HYDIN: variants seen among roughly 807,000 people sequenced by gnomAD.
HYDIN encodes the protein HYDIN axonemal central pair apparatus protein, also known as axonemal central pair apparatus protein HYDIN.
In HYDIN, 132 loss-of-function variants were observed where a neutral mutation model predicts 403.9. That is an observed-to-expected ratio of 0.33 (90% CI 0.28 to 0.38). HYDIN has a LOEUF of 0.38. Among genes scored for constraint, HYDIN ranks in the 10% least tolerant of loss-of-function variants. HYDIN has a pLI of 1.00. For synonymous variants in HYDIN, 1,202 were observed against 1,891.7 expected (o/e 0.64, Z 9.46); for missense variants, 2,827 against 5,009.5 (o/e 0.56, Z 13.15).
intron 30 of HYDIN, among the ~76,000 whole-genome samples, chr16:70,978,326 T>C (rs570963125): frequency 1.3e-5 from 2 of 148,988 alleles, no homozygotes; most frequent in Admixed American, 6.7e-5. Flanking sequence ...GTCATCACCA[T>C]TGCTTACAGC....
chr16:70,807,290 G>A lies in HYDIN; in HGVS notation c.*290C>T, dbSNP rs2035148979. The A allele has an allele frequency of 2.9e-6, 1 of 345,052 alleles. No homozygotes were observed. 21.4% of individuals were successfully genotyped at this position (345,052 alleles called of 1,614,324 possible). A position where few individuals can be genotyped will look rare whatever the true frequency, so the allele number is the denominator to read the frequency against. On this transcript the variant is annotated 3_prime_UTR_variant, in exon 86 of 86. Coordinates refer to ENST00000393567, the MANE Select transcript of HYDIN (RefSeq NM_001270974.2). The stretch of plus-strand genomic sequence containing the variant: ...ACCTGTGCCTTCTTGATAAAAATGG[G>A]AATTATTACAAAGTACTTGAGCTTT...
intron 1 of HYDIN, among the ~76,000 whole-genome samples, chr16:71,189,975 C>T (rs541009678): frequency 2.0e-4 from 30 of 151,886 alleles, no homozygotes; most frequent in East Asian, 9.7e-4. Flanking sequence ...AAAGTATAAA[C>T]GAAGAAAAGT....
intron 66 of HYDIN, among the ~76,000 whole-genome samples, chr16:70,866,567 A>G (rs1467645965): frequency 6.6e-6 from 1 of 152,188 alleles, no homozygotes; most frequent in African/African-American, 2.4e-5. Flanking sequence ...CACAACATAC[A>G]TAAAATCCAG....
intron 45 of HYDIN, among the ~76,000 whole-genome samples, chr16:70,927,043 G>A (rs1381041899): frequency 6.6e-6 from 1 of 152,186 alleles, no homozygotes; most frequent in East Asian, 1.9e-4. Flanking sequence ...TGGAATCCTA[G>A]ACGGAGAGGA....
intron 10 of HYDIN, among the ~76,000 whole-genome samples, chr16:71,106,663 G>A (rs1286252928): frequency 6.6e-6 from 1 of 151,952 alleles, no homozygotes; most frequent in Non-Finnish European, 1.5e-5. Context: ...GTTTTTTCCT[G>A]TCTCTGAACA....
Position 70,934,490 on chromosome 16 carries a change from C to T in HYDIN, c.7158+1462G>A, listed in dbSNP as rs539406247. Among the ~76,000 whole-genome samples, 20 of 152,178 alleles carry T rather than the reference C, an allele frequency of 1.3e-4. No individual in the cohort carries two copies. The South Asian group carries it at 3.5e-3, about 27-fold the overall frequency. On this transcript the variant is annotated intron_variant, in intron 45 of 85. Transcript: ENST00000393567. ...GAAGCAGGAAGGTCTTTAGTCATTC[C>T]CTTTCACCTTGGCACTCCCCCTGGA...
chr16:71,214,880 A>T (rs187020321), intron 1 of HYDIN, among the ~76,000 whole-genome samples: 1 of 152,258 alleles, frequency 6.6e-6, no homozygotes, highest in Admixed American at 6.5e-5. Flanking sequence ...GCAATCACTT[A>T]GCAAAAATAA....
At chr16:71,193,800 C>G (rs892225187) in intron 1 of HYDIN, among the ~76,000 whole-genome samples, 1 of 152,178 alleles carries the variant, frequency 6.6e-6, no homozygotes, top group Non-Finnish European at 1.5e-5. Flanking sequence ...TCTATCATCT[C>G]TCTTTGCTTT....
At chr16:71,211,423 G>A (rs879690919) in intron 1 of HYDIN, among the ~76,000 whole-genome samples, 4 of 150,900 alleles carry the variant, frequency 2.7e-5, no homozygotes, top group Non-Finnish European at 5.9e-5. Context: ...GGCGGATCAC[G>A]AGGTCAGGAG....
intron 1 of HYDIN, among the ~76,000 whole-genome samples, chr16:71,225,689 A>C (rs2041004704): frequency 6.6e-6 from 1 of 152,194 alleles, no homozygotes; most frequent in African/African-American, 2.4e-5. Context: ...AGAAAGAAGG[A>C]GGAGGGGCTT....
intron 5 of HYDIN, among the ~76,000 whole-genome samples, chr16:71,170,607 G>A (rs1005864631): frequency 3.3e-5 from 5 of 152,000 alleles, no homozygotes; most frequent in African/African-American, 1.2e-4. Context: ...TCTTAATTGT[G>A]AACCATTGTT....
At chr16:70,998,251 A>G (rs899467029) in intron 23 of HYDIN, among the ~76,000 whole-genome samples, 2 of 152,044 alleles carry the variant, frequency 1.3e-5, no homozygotes, top group African/African-American at 2.4e-5. Flanking sequence ...GAATGAAAAC[A>G]TTTCAAGTAT....
intron 50 of HYDIN, among the ~76,000 whole-genome samples, chr16:70,904,531 G>GTTTTTTTT (rs1567802705): frequency 1.4e-3 from 32 of 22,744 alleles, no homozygotes; most frequent in Non-Finnish European, 2.1e-3. Context: ...AGGGAGTTTC[G>GTTTTTTTT]TTCTTGTTGC....
intron 14 of HYDIN, among the ~76,000 whole-genome samples, chr16:71,068,771 T>G (rs2082358960): frequency 6.6e-6 from 1 of 152,218 alleles, no homozygotes; most frequent in African/African-American, 2.4e-5. Flanking sequence ...TGGCTTTTCC[T>G]GCAGAACTCA....
chr16:71,069,836 T>A (rs1426774281), intron 13 of HYDIN, among the ~76,000 whole-genome samples: 3 of 152,252 alleles, frequency 2.0e-5, no homozygotes, highest in African/African-American at 7.2e-5. Flanking sequence ...AGTAGTTGGC[T>A]GAGTAGTCTT....
intron 64 of HYDIN, among the ~76,000 whole-genome samples, chr16:70,872,441 C>T (rs2040182146): frequency 6.7e-6 from 1 of 148,802 alleles, no homozygotes; most frequent in Non-Finnish European, 1.5e-5. Flanking sequence ...TCTACCCATC[C>T]ATCATCTATC....
intron 13 of HYDIN, 38 bp from the exon 14 acceptor site, chr16:71,069,540 C>T (rs1180522678): frequency 2.4e-5 from 37 of 1,518,624 alleles, no homozygotes; most frequent in Non-Finnish European, 3.2e-5. Flanking sequence ...TAAAAGCCCC[C>T]CCAACACCTC....
chr16:70,884,120 C>T lies in HYDIN; in HGVS notation c.9779G>A (p.Arg3260His), dbSNP rs1383367357. ...QKEVTTTGQA[R>H]FAHGMFTVYP... The stretch of plus-strand genomic sequence containing the variant: ...CACGGTGAACATGCCATGGGCGAAG[C>T]GGGCCTGCAGGACAAGGGTGGGAGG... The change falls in exon 59 of 86, where the codon CGC becomes CAC. Residue 3260 changes from arginine to histidine, a missense_variant. Transcript: ENST00000393567. The T allele has an allele frequency of 1.1e-5, 18 of 1,580,178 alleles. No homozygotes were observed. Among genetic ancestry groups the T allele is most frequent in the Admixed American group, 7.3e-5 (4 of 54,608 alleles).
chr16:70,872,383 C>CATCA (rs2040168215), intron 64 of HYDIN, among the ~76,000 whole-genome samples: 6 of 142,394 alleles, frequency 4.2e-5, no homozygotes, highest in Non-Finnish European at 8.9e-5. Context: ...TCCATCCATC[C>CATCA]ATCCATCCAT....
Sources: allele counts gnomAD v4.1 joint callset (sites outside exome capture counted in the v4.1 genomes callset), GRCh38; gene constraint gnomAD v4.1.1; transcripts MANE v1.5; gene names NCBI Gene and HGNC (gene_info 2026-07-23, HGNC 2026-07-21).